The following SDK1 variants were observed in gnomAD, a reference collection of about 807,000 sequenced individuals.
SDK1 encodes protein sidekick-1.
A neutral mutation model predicts 245.5 loss-of-function variants in SDK1; 157 were observed. That is an observed-to-expected ratio of 0.64 (90% confidence interval 0.56 to 0.73). SDK1 has a LOEUF of 0.73. Ranked by LOEUF, SDK1 falls within the 30% of genes least tolerant of loss-of-function variation. SDK1 has a pLI of 0.00. For missense variants in SDK1, 3,583 were observed against 3,002.3 expected, an observed-to-expected ratio of 1.19 and a Z score of -4.52; for synonymous variants, 1,647 against 1,278.5, an observed-to-expected ratio of 1.29 and a Z score of -6.15.
In SDK1 at chr7:4,103,951, C is replaced by T. The variant is rs571174024; in HGVS notation, c.3325-6712C>T. On this transcript the variant is annotated intron_variant, in intron 22 of 44. Transcript: ENST00000404826. ...CAAAAGCATGAAAGTGGCCAGCAGC[C>T]GCACAAACCAGTGACAGTGGCTGTG... 1.6e-4 allele frequency among the ~76,000 whole-genome samples: 25 copies of T among 152,378 alleles called. No individual in the cohort carries two copies. In the South Asian group the frequency reaches 3.1e-3, roughly 19 times the overall value.
At chr7:4,054,095 C>T (rs989156258) in intron 19 of SDK1, among the ~76,000 whole-genome samples, 5 of 150,972 alleles carry the variant, frequency 3.3e-5, no homozygotes, top group East Asian at 3.9e-4. Context: ...CCGGCCACCA[C>T]GTCTGGCCAA....
At chr7:3,341,929 T>C (rs897083926) in intron 1 of SDK1, among the ~76,000 whole-genome samples, 2 of 152,156 alleles carry the variant, frequency 1.3e-5, no homozygotes, top group African/African-American at 4.8e-5. Context: ...AAAAAGGTTA[T>C]TGAAAAACCT....
At chr7:3,781,287 C>T (rs1780727246) in intron 4 of SDK1, among the ~76,000 whole-genome samples, 1 of 152,108 alleles carries the variant, frequency 6.6e-6, no homozygotes. Context: ...TCTCATCAAA[C>T]AGGGAAGCCA....
intron 12 of SDK1, among the ~76,000 whole-genome samples, chr7:3,973,953 G>A (rs368634102): frequency 9.2e-5 from 14 of 151,966 alleles, no homozygotes; most frequent in Admixed American, 9.2e-4. Context: ...AGGCCGAGAC[G>A]GGCAGATCAC....
intron 1 of SDK1, among the ~76,000 whole-genome samples, chr7:3,313,999 G>A (rs951261080): frequency 3.9e-5 from 6 of 152,206 alleles, no homozygotes; most frequent in African/African-American, 1.2e-4. Flanking sequence ...TGTGTTAAAG[G>A]TATAGTGATC....
intron 4 of SDK1, among the ~76,000 whole-genome samples, chr7:3,787,301 C>G (rs1780933945): frequency 6.6e-6 from 1 of 151,974 alleles, no homozygotes; most frequent in East Asian, 1.9e-4. Flanking sequence ...ATTATTTTTT[C>G]TATACATAAG....
intron 17 of SDK1, among the ~76,000 whole-genome samples, chr7:4,041,909 G>T (rs1488297035): frequency 1.5e-5 from 2 of 134,728 alleles, no homozygotes; most frequent in Non-Finnish European, 3.1e-5. Flanking sequence ...CGCCTCCCAG[G>T]TTCGAGCAAT....
chr7:3,904,424 G>A (rs941515163), intron 5 of SDK1, among the ~76,000 whole-genome samples: 9 of 152,120 alleles, frequency 5.9e-5, no homozygotes, highest in Admixed American at 4.6e-4. Context: ...CTAGCCTGGT[G>A]CAGTGACTCA....
chr7:3,301,615 CCGGTGG>C lies in SDK1; in HGVS notation c.33_38del (p.Gly15_Gly16del). ...GCCCGGGGCGCCCGGCCCTCGGCGG[CCGGTGG>C]CGGCGGCGGCGGCGCGGAGCCCCCT... On this transcript the variant is annotated inframe_deletion, in exon 1 of 45. Coordinates refer to ENST00000404826, the MANE Select transcript of SDK1 (RefSeq NM_152744.4). 1 of 974,728 alleles carries C rather than the reference CCGGTGG, an allele frequency of 1.0e-6. No homozygotes were observed. Among genetic ancestry groups the C allele is most frequent in the African/African-American group, 1.8e-5 (1 of 55,442 alleles). The allele number at this position is 974,728 out of a possible 1,614,324, so 60.4% of individuals were successfully genotyped here.
intron 5 of SDK1, among the ~76,000 whole-genome samples, chr7:3,863,313 C>G (rs1287578510): frequency 6.6e-6 from 1 of 152,166 alleles, no homozygotes; most frequent in African/African-American, 2.4e-5. Flanking sequence ...GAAATTCTGC[C>G]TGAAACTTTT....
At chr7:3,671,808 C>T (rs915009979) in intron 4 of SDK1, among the ~76,000 whole-genome samples, 2 of 152,130 alleles carry the variant, frequency 1.3e-5, no homozygotes, top group Non-Finnish European at 2.9e-5. Context: ...AATTATAACG[C>T]CAGTGGGAAA....
rs537946936 is a variant in SDK1 at position 3,536,974 on chromosome 7, A to T, written c.299-82106A>T. On this transcript the variant is annotated intron_variant, in intron 1 of 44. Transcript: ENST00000404826. ...CATCATTAAAAATATTTTTTTCTTC[A>T]ATCTCTCTATTTTTTTAATTGAAGT... Among the ~76,000 whole-genome samples, 5 of 151,992 alleles carry T rather than the reference A, an allele frequency of 3.3e-5. No homozygotes were observed. In the East Asian group the frequency reaches 9.7e-4, roughly 29 times the overall value.
chr7:3,666,152 C>A (rs181714201), intron 4 of SDK1, among the ~76,000 whole-genome samples: 1 of 152,194 alleles, frequency 6.6e-6, no homozygotes, highest in African/African-American at 2.4e-5. Context: ...TGGCATATGA[C>A]ACCCCCACCC....
rs906434693 is a variant in SDK1, at chr7:4,051,662, C to G, written c.2743C>G (p.Pro915Ala). ...GCTTCTGGCATGGCCGGCAGATGCCCCCGAGGCTGTCACTGTGGTCACTAT... is the reference window on the plus strand; with the variant it reads ...GCTTCTGGCATGGCCGGCAGATGCCGCCGAGGCTGTCACTGTGGTCACTAT... The part of the protein sequence containing the change: ...YKLLAWPADA[P>A]EAVTVVTIAP... The change falls in exon 19 of 45, where the codon CCC becomes GCC. Residue 915 changes from proline to alanine, a missense_variant. Pro to Ala is a conservative substitution (Grantham distance 27, BLOSUM62 -1). Coordinates refer to ENST00000404826, the MANE Select transcript of SDK1 (RefSeq NM_152744.4). The G allele has an allele frequency of 1.9e-6, 3 of 1,612,332 alleles. No individual in the cohort carries two copies. Among genetic ancestry groups the G allele is most frequent in the Middle Eastern group, 1.7e-4 (1 of 6,058 alleles).
chr7:3,423,918 A>ATTTTT (rs762630504), intron 1 of SDK1, among the ~76,000 whole-genome samples: 1 of 145,140 alleles, frequency 6.9e-6, no homozygotes, highest in African/African-American at 2.6e-5. Context: ...AACACATACT[A>ATTTTT]TTTTTTTTTT....
At chr7:3,576,885 A>T (rs1780310545) in intron 1 of SDK1, among the ~76,000 whole-genome samples, 1 of 152,046 alleles carries the variant, frequency 6.6e-6, no homozygotes, top group Non-Finnish European at 1.5e-5. Flanking sequence ...GACTGCTTAA[A>T]CCTGCCCTTT....
chr7:3,508,322 TCTTC>T (rs1427683989), intron 1 of SDK1, among the ~76,000 whole-genome samples: 1 of 131,410 alleles, frequency 7.6e-6, no homozygotes, highest in African/African-American at 3.0e-5. Flanking sequence ...TTCTTCTTCT[TCTTC>T]TTTTTTTTTT....
At chr7:3,395,410 T>A (rs920785199) in intron 1 of SDK1, among the ~76,000 whole-genome samples, 2 of 151,948 alleles carry the variant, frequency 1.3e-5, no homozygotes, top group Admixed American at 6.6e-5. Flanking sequence ...TTGTGAGAGA[T>A]ACTGGTTTGT....
At chr7:3,647,966 T>C (rs949729702) in intron 4 of SDK1, among the ~76,000 whole-genome samples, 4 of 152,222 alleles carry the variant, frequency 2.6e-5, no homozygotes, top group African/African-American at 9.6e-5. Context: ...ATTGAGAGAA[T>C]TGAAAATAAG....
Sources: allele counts gnomAD v4.1 joint callset (sites outside exome capture counted in the v4.1 genomes callset), GRCh38; gene constraint gnomAD v4.1.1; transcripts MANE v1.5; gene names NCBI Gene and HGNC (gene_info 2026-07-23, HGNC 2026-07-21).